CCDC73: variants seen among roughly 807,000 people sequenced by gnomAD.
The protein encoded by CCDC73 is coiled-coil domain-containing protein 73.
A neutral mutation model predicts 116.5 loss-of-function variants in CCDC73; 95 were observed. The observed-to-expected ratio is 0.82, with a 90% CI of 0.69 to 0.97. CCDC73 has a LOEUF of 0.97. Among genes scored for constraint, CCDC73 ranks in the 50% least tolerant of loss-of-function variants. The pLI is 0.00. For synonymous variants in CCDC73, 398 were observed against 401.3 expected (o/e 0.99, Z 0.10); for missense variants, 1,066 against 1,206.8 (o/e 0.88, Z 1.73).
rs114120497 is a variant in CCDC73, at chr11:32,749,000, T to C, written c.135+11109A>G. On this transcript the variant is annotated intron_variant, in intron 2 of 17. Transcript: ENST00000335185. Reference sequence around the variant, plus strand: ...TATCCTTGACCTTTGGGAGTGTGATTATTAAATGCCTCAAGGTAGTCTTCT... The same window carrying C: ...TATCCTTGACCTTTGGGAGTGTGATCATTAAATGCCTCAAGGTAGTCTTCT... 7.2e-3 allele frequency among the ~76,000 whole-genome samples: 1,096 copies of C among 152,344 alleles called. 17 individuals are homozygous for C. Among genetic ancestry groups the C allele is most frequent in the African/African-American group, 0.025 (1,057 of 41,586 alleles).
At chr11:32,780,447 T>C (rs907776184) in intron 1 of CCDC73, among the ~76,000 whole-genome samples, 4 of 152,088 alleles carry the variant, frequency 2.6e-5, no homozygotes, top group Non-Finnish European at 5.9e-5. Flanking sequence ...AAAAACAATT[T>C]AGAATGTCTC....
chr11:32,755,866 T>C lies in CCDC73; in HGVS notation c.135+4243A>G, dbSNP rs1433565259. Among the ~76,000 whole-genome samples the C allele has an allele frequency of 1.6e-5, 2 of 128,520 alleles. 1 individual carries two copies. The highest frequency in any genetic ancestry group is 3.2e-5 in the Non-Finnish European group (2 of 63,370). 84.3% of individuals were successfully genotyped at this position (128,520 alleles called of 152,430 possible). On this transcript the variant is annotated intron_variant, in intron 2 of 17. Coordinates refer to ENST00000335185, the MANE Select transcript of CCDC73 (RefSeq NM_001008391.4). ...CCATATATATGTGTGTGTATATATC[T>C]CCATATATATATCTGTGTATATATC... is the stretch of plus-strand genomic sequence containing the variant.
At chr11:32,667,765 C>G (rs1006638340) in intron 9 of CCDC73, among the ~76,000 whole-genome samples, 6 of 152,216 alleles carry the variant, frequency 3.9e-5, no homozygotes, top group Admixed American at 3.9e-4. Context: ...ACACTGGGAG[C>G]TGTAGACTGG....
At chr11:32,797,663 T>C (rs878957422), upstream of CCDC73, among the ~76,000 whole-genome samples, 1 of 152,218 alleles carries the variant, frequency 6.6e-6, no homozygotes, top group Admixed American at 6.5e-5. Context: ...ACTGTGAACT[T>C]TTTGAGGACA....
At chr11:32,706,698 G>A (rs935808987) in intron 3 of CCDC73, among the ~76,000 whole-genome samples, 11 of 152,222 alleles carry the variant, frequency 7.2e-5, no homozygotes, top group African/African-American at 2.6e-4. Flanking sequence ...CTCTCTTGAA[G>A]CCAATGAGCT....
intron 2 of CCDC73, among the ~76,000 whole-genome samples, chr11:32,728,524 C>T (rs1002100728): frequency 2.6e-5 from 4 of 152,048 alleles, no homozygotes; most frequent in African/African-American, 9.7e-5. Flanking sequence ...GTTCCTTTTA[C>T]TAGATAATAA....
intron 9 of CCDC73, among the ~76,000 whole-genome samples, chr11:32,666,163 T>C (rs1855979405): frequency 6.6e-6 from 1 of 152,178 alleles, no homozygotes; most frequent in South Asian, 2.1e-4. Context: ...TCAAAGAGTA[T>C]CTTTGTGGCA....
At position 32,699,299 on chromosome 11, in the gene CCDC73, T is replaced by G; in HGVS notation, c.342A>C (p.Ile114=). ...TCAATCCTTCTATTTCTTTTTCCTT[T>G]ATTTCTGTAGCAAGTTGATATTTTC... ...EKGKYQLATE[I]KEKEIEGLKE... The change falls in exon 6 of 18, where the codon ATA becomes ATC. Residue 114 remains isoleucine, a synonymous_variant. Transcript: ENST00000335185. 1 of 1,579,446 alleles carries G rather than the reference T, an allele frequency of 6.3e-7. No homozygotes were observed. The highest frequency in any genetic ancestry group is 1.7e-5 in the Admixed American group (1 of 57,978).
chr11:32,682,341 C>T (rs957094042), intron 7 of CCDC73: 4 of 151,808 alleles, frequency 2.6e-5, no homozygotes, highest in Non-Finnish European at 5.9e-5. Flanking sequence ...AGTTTTTCAG[C>T]TTCTTAATTA....
intron 2 of CCDC73, among the ~76,000 whole-genome samples, chr11:32,739,902 G>T (rs1287155866): frequency 6.6e-6 from 1 of 151,720 alleles, no homozygotes; most frequent in African/African-American, 2.4e-5. Flanking sequence ...AAGGGACGTT[G>T]AATTTTATCA....
At chr11:32,646,118 C>A (rs564642256) in intron 12 of CCDC73, among the ~76,000 whole-genome samples, 283 of 152,276 alleles carry the variant, frequency 1.9e-3, no homozygotes, top group African/African-American at 6.6e-3. Flanking sequence ...TAAAACAGTG[C>A]ACTAGCAATA....
intron 9 of CCDC73, among the ~76,000 whole-genome samples, chr11:32,673,720 C>A (rs985041315): frequency 3.9e-5 from 6 of 152,130 alleles, no homozygotes; most frequent in Non-Finnish European, 8.8e-5. Context: ...ATGTCAGAAT[C>A]CCAACGGAAA....
At chr11:32,718,038 A>G in intron 3 of CCDC73, 38 bp downstream of exon 3, 1 of 1,408,788 alleles carries the variant, frequency 7.1e-7, no homozygotes. Context: ...TCAAGATGAG[A>G]TTTGGCTGGG....
chr11:32,700,543 T>C (rs11031942), intron 5 of CCDC73, among the ~76,000 whole-genome samples: 41,251 of 152,088 alleles, frequency 0.27, 6,478 homozygotes, highest in East Asian at 0.79. Context: ...AGTGAGACCT[T>C]TGGCAAGTCA....
chr11:32,616,966 G>A (rs1003354552), intron 14 of CCDC73, among the ~76,000 whole-genome samples: 1 of 152,158 alleles, frequency 6.6e-6, no homozygotes, highest in Non-Finnish European at 1.5e-5. Flanking sequence ...CTAAACATAC[G>A]TGAAGTATGA....
chr11:32,654,066 T>C, intron 10 of CCDC73, 29 bp from the exon 11 acceptor site: 1 of 1,561,670 alleles, frequency 6.4e-7, no homozygotes, highest in Non-Finnish European at 8.7e-7. Context: ...TTTAAAGTTA[T>C]GATATAAAAT....
intron 5 of CCDC73, 94 bp downstream of exon 5, chr11:32,700,697 A>G (rs2133314375): frequency 1.7e-6 from 1 of 583,872 alleles, no homozygotes; most frequent in South Asian, 2.5e-5. Context: ...ATGGTAAACA[A>G]TGGATAATAA....
At chr11:32,624,059 G>A (rs556059464) in intron 14 of CCDC73, among the ~76,000 whole-genome samples, 228 of 152,008 alleles carry the variant, frequency 1.5e-3, no homozygotes, top group Middle Eastern at 3.4e-3. Flanking sequence ...TGAGAGGGCC[G>A]GGCGCAGTGG....
chr11:32,779,612 T>C (rs1850565628), intron 1 of CCDC73, among the ~76,000 whole-genome samples: 1 of 152,158 alleles, frequency 6.6e-6, no homozygotes, highest in Admixed American at 6.5e-5. Flanking sequence ...GTTTGTGTCC[T>C]GACAAGAGTC....
Sources: allele counts gnomAD v4.1 joint callset (sites outside exome capture counted in the v4.1 genomes callset), GRCh38; gene constraint gnomAD v4.1.1; transcripts MANE v1.5; gene names NCBI Gene and HGNC (gene_info 2026-07-23, HGNC 2026-07-21).